Variants in ROBO2 observed in about 807,000 individuals in gnomAD.
ROBO2 encodes roundabout guidance receptor 2, also known as roundabout homolog 2.
Under a neutral mutation model 160.8 loss-of-function variants are expected in ROBO2, and 53 were observed. The observed-to-expected ratio is 0.33, with a 90% CI of 0.26 to 0.41. ROBO2 has a LOEUF of 0.41. Among genes scored for constraint, ROBO2 ranks in the 10% least tolerant of loss-of-function variants. The pLI is 1.00. For synonymous variants in ROBO2, 664 were observed against 611.7 expected, an observed-to-expected ratio of 1.09 and a Z score of -1.26; for missense variants, 1,577 against 1,722.4, an observed-to-expected ratio of 0.92 and a Z score of 1.49.
At chr3:75,991,154 T>C (rs1295623187) in intron 2 of ROBO2, among the ~76,000 whole-genome samples, 1 of 152,180 alleles carries the variant, frequency 6.6e-6, no homozygotes, top group Non-Finnish European at 1.5e-5. Flanking sequence ...AATAAATCTC[T>C]CTATCTATGT....
chr3:76,477,648 CTTAA>C (rs1297272558), intron 2 of ROBO2, among the ~76,000 whole-genome samples: 1 of 152,052 alleles, frequency 6.6e-6, no homozygotes, highest in Non-Finnish European at 1.5e-5. Context: ...TCTAACTGCT[CTTAA>C]TTTTTATTTT....
chr3:76,641,683 G>T (rs927161818), intron 2 of ROBO2, among the ~76,000 whole-genome samples: 1 of 152,172 alleles, frequency 6.6e-6, no homozygotes, highest in African/African-American at 2.4e-5. Flanking sequence ...TTACACAAAA[G>T]TGATATGGTA....
At chr3:76,556,183 G>T (rs1486199999) in intron 2 of ROBO2, among the ~76,000 whole-genome samples, 1 of 152,106 alleles carries the variant, frequency 6.6e-6, no homozygotes, top group Non-Finnish European at 1.5e-5. Flanking sequence ...TAGTCCTCAG[G>T]AGATATTAGT....
intron 2 of ROBO2, among the ~76,000 whole-genome samples, chr3:77,020,257 C>A (rs546679209): frequency 6.6e-6 from 1 of 152,154 alleles, no homozygotes; most frequent in Non-Finnish European, 1.5e-5. Context: ...ACAGACAAAG[C>A]AGTAAAAACT....
chr3:76,692,299 G>T (rs1330025533), intron 2 of ROBO2, among the ~76,000 whole-genome samples: 1 of 152,066 alleles, frequency 6.6e-6, no homozygotes, highest in Non-Finnish European at 1.5e-5. Flanking sequence ...TGGTCCCTTT[G>T]CAAGGAAACA....
chr3:76,471,938 C>T (rs556117223), intron 2 of ROBO2, among the ~76,000 whole-genome samples: 66 of 152,114 alleles, frequency 4.3e-4, no homozygotes, highest in African/African-American at 1.5e-3. Flanking sequence ...ACCGCCCTCA[C>T]GATTCAGTGA....
chr3:77,386,702 A>G (rs149666862), intron 2 of ROBO2, among the ~76,000 whole-genome samples: 1 of 145,938 alleles, frequency 6.9e-6, no homozygotes, highest in Non-Finnish European at 1.5e-5. Flanking sequence ...TCCCAGGTTA[A>G]AGTGATTCTC....
intron 2 of ROBO2, among the ~76,000 whole-genome samples, chr3:76,186,208 C>T (rs1036609396): frequency 6.6e-6 from 1 of 151,996 alleles, no homozygotes; most frequent in Non-Finnish European, 1.5e-5. Context: ...GCTAGGATTA[C>T]AGGGGTGATC....
chr3:76,246,682 T>C (rs1422574572), intron 2 of ROBO2, among the ~76,000 whole-genome samples: 1 of 152,108 alleles, frequency 6.6e-6, no homozygotes, highest in African/African-American at 2.4e-5. Context: ...TAGAAAAGGA[T>C]TTATTTTGAG....
Position 76,962,005 on chromosome 3 carries a change from AG to A in ROBO2, c.110-136008del. Among the ~76,000 whole-genome samples, 2 of 152,112 alleles carry A rather than the reference AG, an allele frequency of 1.3e-5. 1 individual carries two copies. Among genetic ancestry groups the A allele is most frequent in the South Asian group, 4.1e-4 (2 of 4,830 alleles). ...CTTGAGGCCAGGATTTCAAGGCTAG[AG>A]TGGTCAACATAGCAACACCTTAACT... On this transcript the variant is annotated intron_variant, in intron 2 of 26. Coordinates refer to the ROBO2 transcript ENST00000487694.
chr3:77,094,063 C>T (rs2070712954), intron 1 of ROBO2, among the ~76,000 whole-genome samples: 7 of 152,046 alleles, frequency 4.6e-5, no homozygotes, highest in African/African-American at 7.3e-5. Flanking sequence ...AGTAATGCAA[C>T]CATCACTGTA....
At chr3:76,188,417 T>C (rs1477589440) in intron 2 of ROBO2, among the ~76,000 whole-genome samples, 1 of 151,614 alleles carries the variant, frequency 6.6e-6, no homozygotes, top group Non-Finnish European at 1.5e-5. Flanking sequence ...GAGAATGGAG[T>C]ATTGCATCTG....
intron 2 of ROBO2, among the ~76,000 whole-genome samples, chr3:77,149,314 C>T (rs548651218): frequency 6.6e-6 from 1 of 152,204 alleles, no homozygotes; most frequent in South Asian, 2.1e-4. Flanking sequence ...GGATTACAGG[C>T]ATGAGCCACT....
At chr3:77,007,102 A>C (rs1341416352) in intron 2 of ROBO2, among the ~76,000 whole-genome samples, 1 of 152,114 alleles carries the variant, frequency 6.6e-6, no homozygotes, top group Non-Finnish European at 1.5e-5. Context: ...ATACAGGGAC[A>C]ATGCCCAGGA....
chr3:76,020,487 T>G (rs544339680), intron 2 of ROBO2, among the ~76,000 whole-genome samples: 1 of 151,970 alleles, frequency 6.6e-6, no homozygotes, highest in African/African-American at 2.4e-5. Flanking sequence ...AAATTCTATT[T>G]CCCTCTTTAT....
chr3:77,204,194 G>T (rs1031477235), intron 2 of ROBO2, among the ~76,000 whole-genome samples: 11 of 152,168 alleles, frequency 7.2e-5, no homozygotes, highest in Non-Finnish European at 1.5e-4. Context: ...TAGAGATGTA[G>T]GTTCAGCAAC....
chr3:77,354,367 T>C (rs1272637307), intron 2 of ROBO2, among the ~76,000 whole-genome samples: 1 of 152,228 alleles, frequency 6.6e-6, no homozygotes, highest in Non-Finnish European at 1.5e-5. Context: ...TTTCATTTCA[T>C]TGTTCCTTTG....
intron 2 of ROBO2, among the ~76,000 whole-genome samples, chr3:76,806,379 A>G (rs75933826): frequency 1.7e-3 from 265 of 152,116 alleles, no homozygotes; most frequent in African/African-American, 6.1e-3. Context: ...TGTCTAGATG[A>G]GTAAATAAAT....
intron 2 of ROBO2, among the ~76,000 whole-genome samples, chr3:75,951,381 T>A (rs1948529812): frequency 6.6e-6 from 1 of 152,102 alleles, no homozygotes; most frequent in Admixed American, 6.6e-5. Context: ...CTCCTTCATC[T>A]ACTCGTTCTT....
Sources: gnomAD v4.1 joint callset for allele counts (sites outside exome capture counted in the v4.1 genomes callset) on GRCh38, gnomAD v4.1.1 for gene constraint, MANE v1.5 for transcripts, NCBI Gene and HGNC (gene_info 2026-07-23, HGNC 2026-07-21) for gene names.